Variants in NAA16 observed in about 807,000 individuals in gnomAD.
NAA16 encodes the protein NARG1-like protein.
Under a neutral mutation model 110.3 loss-of-function variants are expected in NAA16, and 97 were observed. That is an observed-to-expected ratio of 0.88 (90% CI 0.75 to 1.04). The LOEUF (loss-of-function observed/expected upper bound fraction) is 1.04, where lower values mean the gene tolerates loss of function less well. Among genes scored for constraint, NAA16 ranks in the 50% least tolerant of loss-of-function variants. NAA16 has a pLI of 0.00. For synonymous variants in NAA16, 372 were observed against 330.6 expected (o/e 1.13, Z -1.36); for missense variants, 1,017 against 1,005.1 (o/e 1.01, Z -0.16).
chr13:41,328,981 A>G, intron 7 of NAA16, 138 bp downstream of exon 7: 2 of 698,878 alleles, frequency 2.9e-6, no homozygotes, highest in East Asian at 3.0e-5. Context: ...TAGGTTAAAC[A>G]TGGGAGTAAA....
Position 41,376,935 on chromosome 13 carries a change from A to G in NAA16, c.*1333A>G, listed in dbSNP as rs2043435734. Reference sequence around the variant, plus strand: ...TAGACACACATTTTCTTTTCACCCTAATCTATTTAGATTCATACTTATTGA... The same window carrying G: ...TAGACACACATTTTCTTTTCACCCTGATCTATTTAGATTCATACTTATTGA... On this transcript the variant is annotated 3_prime_UTR_variant, in exon 20 of 20. Coordinates refer to ENST00000379406, the MANE Select transcript of NAA16 (RefSeq NM_024561.5). 6.6e-6 allele frequency: 1 copy of G among 152,126 alleles called. No individual in the cohort carries two copies. The highest frequency in any genetic ancestry group is 2.1e-4 in the South Asian group (1 of 4,828). The allele number at this position is 152,126 out of a possible 1,614,324, so 9.4% of individuals were successfully genotyped here. A position where few individuals can be genotyped will look rare whatever the true frequency, so the allele number is the denominator to read the frequency against.
chr13:41,349,064 A>G (rs1390233580), intron 9 of NAA16, among the ~76,000 whole-genome samples: 2 of 152,140 alleles, frequency 1.3e-5, no homozygotes, highest in East Asian at 1.9e-4. Context: ...TTCTTGATCT[A>G]AAGAGCCAGG....
At chr13:41,364,403 C>G (rs918300443) in intron 13 of NAA16, among the ~76,000 whole-genome samples, 2 of 152,132 alleles carry the variant, frequency 1.3e-5, no homozygotes, top group African/African-American at 4.8e-5. Flanking sequence ...TCATCCCCCC[C>G]CCATAAGATT....
chr13:41,328,973 G>A, intron 7 of NAA16, 130 bp downstream of exon 7: 2 of 728,870 alleles, frequency 2.7e-6, no homozygotes, highest in Non-Finnish European at 4.5e-6. Context: ...TAAAATTATA[G>A]GTTAAACATG....
chr13:41,328,645 T>C (rs147312400), intron 6 of NAA16, 79 bp from the exon 7 acceptor site: 8 of 1,208,812 alleles, frequency 6.6e-6, no homozygotes. Flanking sequence ...ATCTGTTCAC[T>C]GATAATGTTT....
chr13:41,348,733 T>C (rs1351105935), intron 9 of NAA16, among the ~76,000 whole-genome samples: 2 of 152,204 alleles, frequency 1.3e-5, no homozygotes, highest in Non-Finnish European at 2.9e-5. Context: ...ATTATTTCTT[T>C]AAATGTGTGG....
chr13:41,336,661 A>G lies in NAA16; in HGVS notation c.919A>G (p.Arg307Gly), dbSNP rs759306070. The G allele has an allele frequency of 1.3e-6, 2 of 1,586,096 alleles. No homozygotes were observed. Among genetic ancestry groups the G allele is most frequent in the South Asian group, 2.3e-5 (2 of 86,260 alleles). The change falls in exon 9 of 20, where the codon AGA becomes GGA. Residue 307 changes from arginine (R) to glycine (G), a missense_variant. Physicochemically the swap from Arg to Gly is moderately radical, Grantham distance 125. Transcript: ENST00000379406. Reference sequence around the variant, plus strand: ...GCTTTTGTTTCTAGGTGAAAGATTTAGAGAACTAATGGATAAGTTCCTGAG... The same window carrying G: ...GCTTTTGTTTCTAGGTGAAAGATTTGGAGAACTAATGGATAAGTTCCTGAG... The part of the protein sequence containing the change: ...PLTLVPGERF[R>G]ELMDKFLRVN...
chr13:41,362,324 C>A, intron 13 of NAA16, 165 bp downstream of exon 13: 1 of 624,690 alleles, frequency 1.6e-6, no homozygotes. Flanking sequence ...CAATGGATTG[C>A]TTTACTGATC....
At chr13:41,338,278 G>A (rs1476375783) in intron 9 of NAA16, among the ~76,000 whole-genome samples, 1 of 152,152 alleles carries the variant, frequency 6.6e-6, no homozygotes, top group South Asian at 2.1e-4. Context: ...TAAAGGATTT[G>A]TTTCTCTTAA....
At chr13:41,325,415 G>A (rs1448886643) in intron 5 of NAA16, among the ~76,000 whole-genome samples, 1 of 151,784 alleles carries the variant, frequency 6.6e-6, no homozygotes, top group Non-Finnish European at 1.5e-5. Flanking sequence ...ATTAACTCTA[G>A]TAGTTTTTTT....
chr13:41,357,344 A>C (rs922544797), intron 10 of NAA16, among the ~76,000 whole-genome samples: 1 of 147,198 alleles, frequency 6.8e-6, no homozygotes, highest in African/African-American at 2.5e-5. Flanking sequence ...CAGCAATTGA[A>C]GATCATTGCC....
At chr13:41,345,477 G>C (rs2042657194) in intron 9 of NAA16, among the ~76,000 whole-genome samples, 1 of 151,978 alleles carries the variant, frequency 6.6e-6, no homozygotes, top group African/African-American at 2.4e-5. Context: ...TATGTTCTTT[G>C]GGGAAATGTC....
chr13:41,373,754 C>T lies in NAA16; in HGVS notation c.2273C>T (p.Ala758Val). 6.2e-7 allele frequency: 1 copy of T among 1,607,964 alleles called. No individual in the cohort carries two copies. Among genetic ancestry groups the T allele is most frequent in the South Asian group, 1.1e-5 (1 of 89,436 alleles). The change falls in exon 18 of 20, where the codon GCT (alanine) becomes GTT (valine). Residue 758 changes from alanine to valine, a missense_variant. Coordinates refer to ENST00000379406, the MANE Select transcript of NAA16 (RefSeq NM_024561.5). ...SFNEDFLKRN[A>V]TSLQHLLSGA... is the part of the protein sequence containing the mutation. ...AATGAGGATTTTCTGAAACGTAACGCTACCTCTCTTCAGCATCTACTTTCA... is the reference window on the plus strand; with the variant it reads ...AATGAGGATTTTCTGAAACGTAACGTTACCTCTCTTCAGCATCTACTTTCA...
chr13:41,353,320 T>A (rs900409041), intron 9 of NAA16, among the ~76,000 whole-genome samples: 48 of 152,314 alleles, frequency 3.2e-4, no homozygotes, highest in African/African-American at 1.1e-3. Flanking sequence ...GTTACAGATA[T>A]TCTAGGTGAG....
chr13:41,348,109 T>C (rs7990915), intron 9 of NAA16, among the ~76,000 whole-genome samples: 1 of 151,724 alleles, frequency 6.6e-6, no homozygotes, highest in African/African-American at 2.4e-5. Flanking sequence ...GGTTTTTTTT[T>C]AAAAAAAATC....
intron 6 of NAA16, 50 bp downstream of exon 6, chr13:41,325,901 CTA>C (rs2042081709): frequency 1.4e-6 from 2 of 1,459,028 alleles, no homozygotes; most frequent in Non-Finnish European, 1.9e-6. Context: ...AACAAAAAAA[CTA>C]TATATTTTAT....
Position 41,325,387 on chromosome 13 carries a change from A to C in NAA16, c.538-311A>C, listed in dbSNP as rs550118707. On this transcript the variant is annotated intron_variant, in intron 5 of 19. Transcript: ENST00000379406. The stretch of plus-strand genomic sequence containing the variant: ...GTCTTCATTGATATTTTATTCTGTG[A>C]CTTTGGTAAACACTTTTATTAACTC... Among the ~76,000 whole-genome samples, 11 of 151,500 alleles carry C rather than the reference A, an allele frequency of 7.3e-5. No homozygotes were observed. The South Asian group carries it at 2.3e-3, about 32-fold the overall frequency.
intron 9 of NAA16, among the ~76,000 whole-genome samples, chr13:41,338,631 A>T (rs2042446914): frequency 1.3e-5 from 2 of 152,164 alleles, no homozygotes; most frequent in African/African-American, 4.8e-5. Flanking sequence ...CAAGTCTAAG[A>T]ACTGTTTCTC....
intron 9 of NAA16, among the ~76,000 whole-genome samples, chr13:41,350,368 A>T (rs8002447): frequency 0.95 from 142,288 of 150,238 alleles, 67,444 homozygotes; most frequent in South Asian, 0.99. Context: ...ATCTCGGCTC[A>T]CTGCAAGCTC....
Sources: allele counts gnomAD v4.1 joint callset (sites outside exome capture counted in the v4.1 genomes callset), GRCh38; gene constraint gnomAD v4.1.1; transcripts MANE v1.5; gene names NCBI Gene and HGNC (gene_info 2026-07-23, HGNC 2026-07-21).